SCEL: variants seen among roughly 807,000 people sequenced by gnomAD.
The protein encoded by SCEL is sciellin.
A neutral mutation model predicts 117.6 loss-of-function variants in SCEL; 113 were observed. That is an observed-to-expected ratio of 0.96 (90% CI 0.83 to 1.12). SCEL has a LOEUF of 1.12. Among genes scored for constraint, SCEL ranks in the 50% most tolerant of loss-of-function variants. SCEL has a pLI of 0.00. For missense variants in SCEL, 785 were observed against 810.8 expected, an observed-to-expected ratio of 0.97 and a Z score of 0.39; for synonymous variants, 270 against 256.2, an observed-to-expected ratio of 1.05 and a Z score of -0.51.
At chr13:77,562,747 A>G (rs1378676712) in intron 4 of SCEL, among the ~76,000 whole-genome samples, 1 of 152,208 alleles carries the variant, frequency 6.6e-6, no homozygotes, top group Non-Finnish European at 1.5e-5. Flanking sequence ...AGCAAATGTT[A>G]CTTTCTCCAC....
chr13:77,563,046 T>A (rs1394820162), intron 4 of SCEL, among the ~76,000 whole-genome samples: 1 of 152,224 alleles, frequency 6.6e-6, no homozygotes, highest in Non-Finnish European at 1.5e-5. Context: ...ATCAATCTGA[T>A]CAGGATCTTT....
intron 9 of SCEL, 49 bp downstream of exon 9, chr13:77,572,238 C>T (rs375526353): frequency 1.6e-5 from 22 of 1,347,222 alleles, no homozygotes; most frequent in Non-Finnish European, 2.2e-5. Flanking sequence ...GATGGAAGAA[C>T]ATGTCAGACA....
intron 19 of SCEL, among the ~76,000 whole-genome samples, chr13:77,605,947 A>G (rs375972570): frequency 0.01 from 1,548 of 152,282 alleles, 22 homozygotes; most frequent in Middle Eastern, 0.048. Flanking sequence ...AGATGGTGCC[A>G]CCACCACTCC....
In SCEL at chr13:77,589,345, C is replaced by T. The variant is rs545282135; in HGVS notation, c.626+121C>T. 5.4e-5 allele frequency: 33 copies of T among 609,754 alleles called. No homozygotes were observed. In the South Asian group the frequency reaches 7.6e-4, roughly 14 times the overall value. The allele number at this position is 609,754 out of a possible 1,614,324, so 37.8% of individuals were successfully genotyped here. On this transcript the variant is annotated intron_variant, in intron 10 of 32. Coordinates refer to ENST00000349847, the MANE Select transcript of SCEL (RefSeq NM_144777.3). Reference sequence around the variant, plus strand: ...TTTGTGTGCACATTCCCTAAAGAAGCGCCTGTAGAACTTTTTCTAATTTTA... The same window carrying T: ...TTTGTGTGCACATTCCCTAAAGAAGTGCCTGTAGAACTTTTTCTAATTTTA...
chr13:77,592,358 G>A (rs1342200237), intron 11 of SCEL, among the ~76,000 whole-genome samples: 1 of 152,106 alleles, frequency 6.6e-6, no homozygotes, highest in East Asian at 1.9e-4. Flanking sequence ...AGAGTTCAGT[G>A]TTTCACTACA....
intron 4 of SCEL, among the ~76,000 whole-genome samples, chr13:77,563,131 C>G (rs1350820655): frequency 6.6e-6 from 1 of 152,020 alleles, no homozygotes; most frequent in Non-Finnish European, 1.5e-5. Context: ...AATTCCCCCC[C>G]CATTTTTGCT....
intron 31 of SCEL, 95 bp from the exon 32 acceptor site, chr13:77,642,611 A>T: frequency 1.5e-6 from 1 of 658,118 alleles, no homozygotes; most frequent in Non-Finnish European, 2.5e-6. Context: ...AACATCCCTT[A>T]AAAGTGCCTC....
intron 16 of SCEL, 138 bp from the exon 17 acceptor site, chr13:77,602,516 A>G: frequency 1.4e-6 from 1 of 695,814 alleles, no homozygotes; most frequent in Non-Finnish European, 2.6e-6. Context: ...TAAGTTAAGG[A>G]TAATTACATC....
At chr13:77,571,184 T>C (rs1257048335) in intron 8 of SCEL, among the ~76,000 whole-genome samples, 1 of 150,474 alleles carries the variant, frequency 6.6e-6, no homozygotes. Flanking sequence ...GGCTCAAGCC[T>C]GTAATCCCAG....
At chr13:77,543,220 A>T (rs1483499053) in intron 1 of SCEL, among the ~76,000 whole-genome samples, 1 of 150,630 alleles carries the variant, frequency 6.6e-6, no homozygotes, top group Non-Finnish European at 1.5e-5. Flanking sequence ...AGTAGCTGGG[A>T]CTACAGGCGC....
intron 4 of SCEL, among the ~76,000 whole-genome samples, chr13:77,561,595 C>T (rs2084979841): frequency 6.6e-6 from 1 of 152,222 alleles, no homozygotes; most frequent in Admixed American, 6.5e-5. Context: ...CACTTTGGAG[C>T]ACCTGCTATG....
chr13:77,548,706 A>G (rs988990303), intron 1 of SCEL, among the ~76,000 whole-genome samples: 1 of 152,178 alleles, frequency 6.6e-6, no homozygotes, highest in African/African-American at 2.4e-5. Context: ...AAGATAGTGA[A>G]TAAATCTCAT....
At chr13:77,603,927 A>T (rs1440385060) in intron 18 of SCEL, among the ~76,000 whole-genome samples, 1 of 152,204 alleles carries the variant, frequency 6.6e-6, no homozygotes, top group Non-Finnish European at 1.5e-5. Flanking sequence ...TATGATTCTC[A>T]ACATTATTCT....
intron 13 of SCEL, among the ~76,000 whole-genome samples, chr13:77,598,946 T>C (rs1318368462): frequency 6.6e-6 from 1 of 152,186 alleles, no homozygotes; most frequent in Non-Finnish European, 1.5e-5. Context: ...CCTCCCAAAG[T>C]ACTGGGATTA....
intron 28 of SCEL, among the ~76,000 whole-genome samples, chr13:77,632,351 G>A (rs2090063595): frequency 6.6e-6 from 1 of 152,202 alleles, no homozygotes; most frequent in Non-Finnish European, 1.5e-5. Context: ...ACTTCTTAAA[G>A]TTGGGTTTTG....
intron 1 of SCEL, among the ~76,000 whole-genome samples, chr13:77,543,300 G>C (rs9544533): frequency 0.19 from 28,012 of 151,002 alleles, 2,679 homozygotes; most frequent in Non-Finnish European, 0.21. Flanking sequence ...AGCCGGGATG[G>C]TCTCGATCTC....
At chr13:77,579,704 G>T (rs1300765023) in intron 9 of SCEL, among the ~76,000 whole-genome samples, 1 of 152,208 alleles carries the variant, frequency 6.6e-6, no homozygotes, top group Non-Finnish European at 1.5e-5. Flanking sequence ...CACAAAATAT[G>T]TGGAGTGTGG....
rs760170678 is a variant in SCEL at position 77,599,372 on chromosome 13, GAAGA to G, written c.846_849del (p.Glu284LysfsTer12). 6.2e-7 allele frequency: 1 copy of G among 1,612,400 alleles called. No homozygotes were observed. Among genetic ancestry groups the G allele is most frequent in the Non-Finnish European group, 8.5e-7 (1 of 1,178,800 alleles). On this transcript the variant is annotated frameshift_variant, in exon 14 of 33. Transcript: ENST00000349847. LOFTEE classifies it high-confidence loss of function. ...TCTCTTCAGAGCAAATCCAAAGGTAGAAGAAAGAGAGAAAAGGTAAGTGCATCTG... is the reference window on the plus strand; with the variant it reads ...TCTCTTCAGAGCAAATCCAAAGGTAGAAGAGAGAAAAGGTAAGTGCATCTG...
intron 13 of SCEL, among the ~76,000 whole-genome samples, chr13:77,598,494 C>T (rs1233134510): frequency 6.6e-6 from 1 of 152,128 alleles, no homozygotes; most frequent in Non-Finnish European, 1.5e-5. Context: ...CCACGGCCCG[C>T]TGAGACCAGG....
Sources: gnomAD v4.1 joint callset for allele counts (sites outside exome capture counted in the v4.1 genomes callset) on GRCh38, gnomAD v4.1.1 for gene constraint, MANE v1.5 for transcripts, NCBI Gene and HGNC (gene_info 2026-07-23, HGNC 2026-07-21) for gene names.